SLC8A3: variants seen among roughly 807,000 people sequenced by gnomAD.
The protein encoded by SLC8A3 is solute carrier family 8 member A3.
SLC8A3 carries 37 observed loss-of-function variants against 65.4 expected under a neutral mutation model. The observed-to-expected ratio is 0.57, with a 90% CI of 0.44 to 0.74. The LOEUF is 0.74. SLC8A3 is among the 30% of genes least tolerant of loss of function. SLC8A3 has a pLI of 0.00. For synonymous variants in SLC8A3, 461 were observed against 444.5 expected (o/e 1.04, Z -0.47); for missense variants, 1,112 against 1,172.1 (o/e 0.95, Z 0.75).
intron 2 of SLC8A3, among the ~76,000 whole-genome samples, chr14:70,161,469 C>A (rs1393609534): frequency 6.6e-6 from 1 of 152,046 alleles, no homozygotes; most frequent in East Asian, 1.9e-4. Context: ...AAATCTGTGC[C>A]AAGTACACAG....
At position 70,139,019 on chromosome 14, in the gene SLC8A3, T is replaced by C. The variant is rs912662496; in HGVS notation, c.1784+27620A>G. On this transcript the variant is annotated intron_variant, in intron 2 of 6. Transcript: ENST00000356921. ...TTTCCTGCTGTCCCAATGTTGGCAA[T>C]TGGAGTGCCAAACTGAGGCAAAGAG... Among the ~76,000 whole-genome samples, 107 of 152,174 alleles carry C rather than the reference T, an allele frequency of 7.0e-4. 1 individual carries two copies. The highest frequency in any genetic ancestry group is 2.5e-3 in the African/African-American group (104 of 41,442).
intron 1 of SLC8A3, among the ~76,000 whole-genome samples, chr14:70,180,133 C>T (rs1303212035): frequency 6.6e-6 from 1 of 152,218 alleles, no homozygotes; most frequent in African/African-American, 2.4e-5. Flanking sequence ...TGAGGTTACC[C>T]ATGGGGGAGG....
intron 2 of SLC8A3, among the ~76,000 whole-genome samples, chr14:70,148,658 T>C (rs1436131077): frequency 5.3e-5 from 8 of 152,150 alleles, no homozygotes; most frequent in Admixed American, 5.2e-4. Flanking sequence ...GCTGGGTCCC[T>C]CATGTTGAAT....
intron 2 of SLC8A3, among the ~76,000 whole-genome samples, chr14:70,064,505 A>G (rs1271320605): frequency 7.1e-6 from 1 of 141,526 alleles, no homozygotes; most frequent in Admixed American, 7.4e-5. Context: ...TATGGCAGTG[A>G]CTATTCTATG....
chr14:70,060,976 G>A, intron 2 of SLC8A3, 37 bp from the exon 3 acceptor site: 1 of 972,696 alleles, frequency 1.0e-6, no homozygotes. Flanking sequence ...TGTCGACTGG[G>A]TCGGTAGATT....
chr14:70,172,158 C>T (rs1376715935), intron 1 of SLC8A3, among the ~76,000 whole-genome samples: 1 of 151,922 alleles, frequency 6.6e-6, no homozygotes, highest in Non-Finnish European at 1.5e-5. Context: ...TTTTCCCCCA[C>T]CCAGGACCAC....
chr14:70,106,005 A>G (rs1348001108), intron 2 of SLC8A3, among the ~76,000 whole-genome samples: 1 of 152,214 alleles, frequency 6.6e-6, no homozygotes, highest in Non-Finnish European at 1.5e-5. Context: ...GATCATTTCA[A>G]CAGATACATA....
chr14:70,122,330 G>A lies in SLC8A3; in HGVS notation c.1784+44309C>T, dbSNP rs184345285. Among the ~76,000 whole-genome samples the A allele has an allele frequency of 3.3e-5, 5 of 152,170 alleles. No individual in the cohort carries two copies. The South Asian group carries it at 6.2e-4, about 19-fold the overall frequency. ...AGAAGACTCATTTCTCAGCCCACTCGCAGATGTTTCTGACTCAGACACACC... is the reference window on the plus strand; with the variant it reads ...AGAAGACTCATTTCTCAGCCCACTCACAGATGTTTCTGACTCAGACACACC... On this transcript the variant is annotated intron_variant, in intron 2 of 6. Transcript: ENST00000356921.
intron 3 of SLC8A3, among the ~76,000 whole-genome samples, chr14:70,059,901 T>C (rs1339141614): frequency 2.0e-5 from 3 of 152,170 alleles, no homozygotes; most frequent in Admixed American, 6.5e-5. Flanking sequence ...GGAATTTTCA[T>C]ACCTGGAACT....
At chr14:70,113,295 T>C (rs1057200476) in intron 2 of SLC8A3, among the ~76,000 whole-genome samples, 1 of 152,138 alleles carries the variant, frequency 6.6e-6, no homozygotes, top group Non-Finnish European at 1.5e-5. Flanking sequence ...GTACAACAGG[T>C]TACTGTACTG....
At chr14:70,170,982 G>A (rs1029782550) in intron 1 of SLC8A3, among the ~76,000 whole-genome samples, 16 of 152,284 alleles carry the variant, frequency 1.1e-4, no homozygotes, top group African/African-American at 3.6e-4. Flanking sequence ...GAAAGCTCTT[G>A]TCATCAATGA....
At chr14:70,140,632 C>A (rs538295375) in intron 2 of SLC8A3, among the ~76,000 whole-genome samples, 3 of 152,298 alleles carry the variant, frequency 2.0e-5, no homozygotes, top group Admixed American at 6.5e-5. Flanking sequence ...ATAGTACCTA[C>A]CAACAAGGTA....
chr14:70,185,865 A>G (rs1404892370), intron 1 of SLC8A3, among the ~76,000 whole-genome samples: 1 of 152,230 alleles, frequency 6.6e-6, no homozygotes, highest in Non-Finnish European at 1.5e-5. Context: ...AAAAGGGTCC[A>G]TTCTATTTTA....
intron 3 of SLC8A3, among the ~76,000 whole-genome samples, chr14:70,055,545 C>T (rs2139770381): frequency 6.6e-6 from 1 of 152,224 alleles, no homozygotes; most frequent in Middle Eastern, 3.4e-3. Context: ...TCTTCCTGGT[C>T]CCAGAGAGGA....
chr14:70,106,108 TA>T (rs1224527442), intron 2 of SLC8A3, among the ~76,000 whole-genome samples: 4 of 152,066 alleles, frequency 2.6e-5, no homozygotes, highest in Admixed American at 1.3e-4. Flanking sequence ...TAGACTGAAT[TA>T]ATCAGTCTGA....
chr14:70,144,222 A>T (rs201242100), intron 2 of SLC8A3, among the ~76,000 whole-genome samples: 1 of 150,206 alleles, frequency 6.7e-6, no homozygotes, highest in Non-Finnish European at 1.5e-5. Context: ...GTCTGTTGCC[A>T]CAGCCTCTCT....
chr14:70,099,790 A>G (rs1241235838), intron 2 of SLC8A3, among the ~76,000 whole-genome samples: 1 of 152,206 alleles, frequency 6.6e-6, no homozygotes, highest in Non-Finnish European at 1.5e-5. Context: ...TAAGGCTACA[A>G]TGCTTCCCAT....
At chr14:70,103,936 A>G (rs1027615930) in intron 2 of SLC8A3, among the ~76,000 whole-genome samples, 4 of 152,120 alleles carry the variant, frequency 2.6e-5, no homozygotes, top group African/African-American at 9.6e-5. Context: ...AAGATAATGG[A>G]AAAATATAAA....
chr14:70,180,085 C>T (rs981824000), intron 1 of SLC8A3, among the ~76,000 whole-genome samples: 4 of 152,158 alleles, frequency 2.6e-5, no homozygotes, highest in African/African-American at 9.7e-5. Flanking sequence ...TCCTGCCCTT[C>T]CCTGTTGCCA....
Sources: allele counts gnomAD v4.1 joint callset (sites outside exome capture counted in the v4.1 genomes callset), GRCh38; gene constraint gnomAD v4.1.1; transcripts MANE v1.5; gene names NCBI Gene and HGNC (gene_info 2026-07-23, HGNC 2026-07-21).